The following ARID4B variants were observed in gnomAD, a reference collection of about 807,000 sequenced individuals.
ARID4B encodes AT-rich interactive domain-containing protein 4B.
In ARID4B, 26 loss-of-function variants were observed where a neutral mutation model predicts 147.5. The ratio of observed to expected loss-of-function variants is 0.18; its 90% CI spans 0.13 to 0.24. The LOEUF (loss-of-function observed/expected upper bound fraction) is 0.24, where lower values mean the gene tolerates loss of function less well. Among genes scored for constraint, ARID4B ranks in the 10% least tolerant of loss-of-function variants. The pLI, the probability that ARID4B is intolerant of heterozygous loss-of-function variation, is 1.00. For synonymous variants in ARID4B, 512 were observed against 507.9 expected, an observed-to-expected ratio of 1.01 and a Z score of -0.11; for missense variants, 1,179 against 1,511.5, an observed-to-expected ratio of 0.78 and a Z score of 3.65.
In ARID4B at chr1:235,234,564, C is replaced by T. The variant is rs11804591; in HGVS notation, c.586-72G>A. 2.1e-4 allele frequency: 226 copies of T among 1,080,714 alleles called. No homozygotes were observed. The African/African-American group carries it at 3.2e-3, about 15-fold the overall frequency. The allele number at this position is 1,080,714 out of a possible 1,614,324, so 66.9% of individuals were successfully genotyped here. A position where few individuals can be genotyped will look rare whatever the true frequency, so the allele number is the denominator to read the frequency against. ...ATAGGTAAGTACCCACCATTTAAAT[C>T]CTTTTAAAAAGTGTAAGCTTGAAGT... is the stretch of plus-strand genomic sequence containing the variant. On this transcript the variant is annotated intron_variant, in intron 8 of 23. Transcript: ENST00000264183.
At chr1:235,186,321 A>G (rs899552217) in intron 19 of ARID4B, among the ~76,000 whole-genome samples, 1 of 151,894 alleles carries the variant, frequency 6.6e-6, no homozygotes, top group African/African-American at 2.4e-5. Context: ...TATGTAACCT[A>G]TCTTTTCTCT....
chr1:235,191,212 C>T (rs1408384764), intron 19 of ARID4B, among the ~76,000 whole-genome samples: 1 of 151,812 alleles, frequency 6.6e-6, no homozygotes, highest in East Asian at 1.9e-4. Context: ...GAGCACACTC[C>T]CACATAACAT....
chr1:235,291,044 GAA>G (rs1252220337), intron 2 of ARID4B, among the ~76,000 whole-genome samples: 2 of 152,136 alleles, frequency 1.3e-5, no homozygotes, highest in Non-Finnish European at 2.9e-5. Flanking sequence ...GGTTAACACT[GAA>G]CTATGATAGT....
At chr1:235,255,267 A>ATATCTATC (rs1350801931) in intron 5 of ARID4B, among the ~76,000 whole-genome samples, 17 of 137,152 alleles carry the variant, frequency 1.2e-4, no homozygotes, top group African/African-American at 4.6e-4. Flanking sequence ...AGATAGATAT[A>ATATCTATC]TATCTCTCTC....
At chr1:235,277,746 T>C (rs1047886523) in intron 2 of ARID4B, among the ~76,000 whole-genome samples, 3 of 152,068 alleles carry the variant, frequency 2.0e-5, no homozygotes, top group African/African-American at 7.2e-5. Context: ...CCTTCCATAC[T>C]ACCTCACACT....
At chr1:235,270,079 C>G (rs573202995) in intron 2 of ARID4B, among the ~76,000 whole-genome samples, 3 of 152,116 alleles carry the variant, frequency 2.0e-5, no homozygotes, top group South Asian at 2.1e-4. Context: ...GTCAGGAGAT[C>G]GAGACCATCT....
chr1:235,195,606 A>C (rs1665441550), intron 18 of ARID4B, among the ~76,000 whole-genome samples: 1 of 152,072 alleles, frequency 6.6e-6, no homozygotes, highest in Non-Finnish European at 1.5e-5. Context: ...AAAAAAAAAA[A>C]ATCTTGTGAA....
chr1:235,264,698 G>C (rs897553977), intron 2 of ARID4B, among the ~76,000 whole-genome samples: 6 of 151,946 alleles, frequency 3.9e-5, no homozygotes, highest in African/African-American at 9.7e-5. Flanking sequence ...GGACAAACAA[G>C]TCATTTTATC....
chr1:235,276,925 G>A (rs769155826), intron 2 of ARID4B, among the ~76,000 whole-genome samples: 2 of 151,262 alleles, frequency 1.3e-5, no homozygotes, highest in African/African-American at 2.4e-5. Flanking sequence ...GCTTGAACCC[G>A]GGAGGTGGAG....
intron 2 of ARID4B, among the ~76,000 whole-genome samples, chr1:235,323,541 T>C (rs137895070): frequency 6.6e-6 from 1 of 151,934 alleles, no homozygotes; most frequent in Non-Finnish European, 1.5e-5. Context: ...TCCCAGCACT[T>C]TGGGAGGCCG....
intron 12 of ARID4B, 33 bp downstream of exon 12, chr1:235,224,670 T>G (rs1667711740): frequency 7.0e-7 from 1 of 1,427,448 alleles, no homozygotes; most frequent in Non-Finnish European, 9.8e-7. Flanking sequence ...TGTCCAAAAC[T>G]TACCACGTTA....
intron 2 of ARID4B, among the ~76,000 whole-genome samples, chr1:235,266,586 TA>T (rs912979887): frequency 2.4e-4 from 36 of 152,180 alleles, no homozygotes; most frequent in Non-Finnish European, 1.0e-4. Flanking sequence ...AAGTGGCACC[TA>T]AAAAACACTG....
chr1:235,168,754 A>T, intron 23 of ARID4B, 102 bp from the exon 24 acceptor site: 3 of 1,241,278 alleles, frequency 2.4e-6, no homozygotes, highest in Non-Finnish European at 2.2e-6. Flanking sequence ...TATATTGTCC[A>T]AAATCATTTA....
chr1:235,174,185 G>A (rs560243918), intron 22 of ARID4B, among the ~76,000 whole-genome samples: 26 of 151,882 alleles, frequency 1.7e-4, no homozygotes, highest in African/African-American at 5.6e-4. Flanking sequence ...GACTACAAGC[G>A]CGTGCCACCA....
intron 9 of ARID4B, among the ~76,000 whole-genome samples, chr1:235,233,981 A>C (rs1037241993): frequency 1.3e-5 from 2 of 152,236 alleles, no homozygotes; most frequent in Non-Finnish European, 2.9e-5. Flanking sequence ...CAGGAGGCTG[A>C]GGCAGGAGAA....
At chr1:235,255,220 T>TATATATATAGAGAGAGAG (rs1264196304) in intron 5 of ARID4B, among the ~76,000 whole-genome samples, 1 of 62,350 alleles carries the variant, frequency 1.6e-5, no homozygotes. Flanking sequence ...TGCTGGGAGC[T>TATATATATAGAGAGAGAG]AGATAGATAG....
At chr1:235,171,391 C>T (rs1365932899) in intron 23 of ARID4B, among the ~76,000 whole-genome samples, 2 of 152,026 alleles carry the variant, frequency 1.3e-5, no homozygotes, top group Non-Finnish European at 2.9e-5. Flanking sequence ...TGAGATCGCG[C>T]CACTGCACTC....
chr1:235,203,499 T>C (rs1666090139), intron 17 of ARID4B, among the ~76,000 whole-genome samples: 1 of 152,172 alleles, frequency 6.6e-6, no homozygotes, highest in Non-Finnish European at 1.5e-5. Context: ...TAATATAAAC[T>C]TGAAACCTCA....
chr1:235,214,090 C>T (rs1347766884), intron 16 of ARID4B, 64 bp from the exon 17 acceptor site: 1 of 1,516,364 alleles, frequency 6.6e-7, no homozygotes, highest in Non-Finnish European at 8.8e-7. Context: ...CAGTTCCAAA[C>T]CACATATATT....
Sources: allele counts gnomAD v4.1 joint callset (sites outside exome capture counted in the v4.1 genomes callset), GRCh38; gene constraint gnomAD v4.1.1; transcripts MANE v1.5; gene names NCBI Gene and HGNC (gene_info 2026-07-23, HGNC 2026-07-21).